Variants in ALMS1 observed in about 807,000 individuals in gnomAD.
ALMS1 encodes the protein ALMS1 centrosome and basal body associated protein, also known as centrosome-associated protein ALMS1.
ALMS1 carries 271 observed loss-of-function variants against 352.2 expected under a neutral mutation model. The ratio of observed to expected loss-of-function variants is 0.77; its 90% CI spans 0.70 to 0.85. ALMS1 has a LOEUF of 0.85. Among genes scored for constraint, ALMS1 ranks in the 40% least tolerant of loss-of-function variants. The probability of loss-of-function intolerance (pLI) is 0.00; values close to 1 mark genes in which losing one functional copy is unlikely to be tolerated. For missense variants in ALMS1, 5,445 were observed against 4,870.7 expected (o/e 1.12, Z -3.51); for synonymous variants, 1,865 against 1,761.2 (o/e 1.06, Z -1.48).
chr2:73,406,880 C>A (rs558113510), intron 1 of ALMS1, among the ~76,000 whole-genome samples: 176 of 152,278 alleles, frequency 1.2e-3, no homozygotes, highest in Non-Finnish European at 1.7e-3. Flanking sequence ...ACTTGCCTTG[C>A]CTCCCAAAGT....
At chr2:73,582,971 T>C (rs1204947743) in intron 16 of ALMS1, among the ~76,000 whole-genome samples, 1 of 152,186 alleles carries the variant, frequency 6.6e-6, no homozygotes, top group Non-Finnish European at 1.5e-5. Context: ...TCCCTAGTGG[T>C]TGTGCCATTT....
rs749624694 is a variant in ALMS1 at position 73,572,993 on chromosome 2, T to A, written c.11116T>A (p.Ser3706Thr). 9 of 1,613,786 alleles carry A rather than the reference T, an allele frequency of 5.6e-6. No homozygotes were observed. Among genetic ancestry groups the A allele is most frequent in the Non-Finnish European group, 5.9e-6 (7 of 1,179,944 alleles). Reference sequence around the variant, plus strand: ...GCTTTCTCATCATCGAGCTGGGAGGTCTAATCAAATTAAAATTGAACAGAT... The same window carrying A: ...GCTTTCTCATCATCGAGCTGGGAGGACTAATCAAATTAAAATTGAACAGAT... ...KVLSHHRAGR[S>T]NQIKIEQIKF... Residue 3706 changes from serine (S) to threonine (T), a missense_variant, in exon 16 of 23, where the codon TCT becomes ACT. Coordinates refer to ENST00000613296, the MANE Select transcript of ALMS1 (RefSeq NM_001378454.1).
At chr2:73,537,643 A>T (rs1674059200) in intron 12 of ALMS1, among the ~76,000 whole-genome samples, 1 of 152,222 alleles carries the variant, frequency 6.6e-6, no homozygotes, top group African/African-American at 2.4e-5. Context: ...TATTAAAACA[A>T]CATAAAGCAA....
In ALMS1 at chr2:73,604,690, G is replaced by A. The variant is rs148695136; in HGVS notation, c.12362+1386G>A. Among the ~76,000 whole-genome samples the A allele has an allele frequency of 7.9e-4, 121 of 152,312 alleles. 2 individuals carry two copies. In the East Asian group the frequency reaches 0.021, roughly 27 times the overall value. ...GCTTTAGTCCAGTGGTTCTCAGAGA[G>A]TGGTCTGTGGAGTCCTGGAAGTTGC... On this transcript the variant is annotated intron_variant, in intron 21 of 22. Transcript: ENST00000613296.
At chr2:73,469,149 T>G (rs1036750974) in intron 9 of ALMS1, among the ~76,000 whole-genome samples, 7 of 151,950 alleles carry the variant, frequency 4.6e-5, no homozygotes, top group African/African-American at 1.7e-4. Context: ...GTCAGTACTT[T>G]ATATCATTTA....
rs771906516 is a variant in ALMS1, at chr2:73,419,218, T to C, written c.546T>C (p.Thr182=). 8 of 1,613,908 alleles carry C rather than the reference T, an allele frequency of 5.0e-6. No homozygotes were observed. The highest frequency in any genetic ancestry group is 6.8e-6 in the Non-Finnish European group (8 of 1,179,922). The change falls in exon 3 of 23, where the codon ACT becomes ACC. Residue 182 remains threonine, a synonymous_variant. Coordinates refer to ENST00000613296, the MANE Select transcript of ALMS1 (RefSeq NM_001378454.1). The part of the protein sequence containing the change: ...QTRFNVRTED[T]EVTDFPSLEE... ...GGTTTAATGTGAGAACGGAAGATAC[T>C]GAAGTGACAGACTTCCCCTCTCTGG...
Position 73,607,007 on chromosome 2 carries a change from AT to A in ALMS1, c.12363-1460del, listed in dbSNP as rs546075058. On this transcript the variant is annotated intron_variant, in intron 21 of 22. Coordinates refer to ENST00000613296, the MANE Select transcript of ALMS1 (RefSeq NM_001378454.1). ...CGCAGAGCCCTCCATGAATCTAGTG[AT>A]TTTTTTTCCAGATTATAGAAAACTT... is the stretch of plus-strand genomic sequence containing the variant. Among the ~76,000 whole-genome samples, 223 of 152,146 alleles carry A rather than the reference AT, an allele frequency of 1.5e-3. 1 individual carries two copies. The highest frequency in any genetic ancestry group is 4.6e-3 in the African/African-American group (192 of 41,512).
chr2:73,573,251 C>G lies in ALMS1; in HGVS notation c.11374C>G (p.Gln3792Glu), dbSNP rs763850684. 3 of 1,613,780 alleles carry G rather than the reference C, an allele frequency of 1.9e-6. No homozygotes were observed. Among genetic ancestry groups the G allele is most frequent in the East Asian group, 2.2e-5 (1 of 44,876 alleles). ...CACTATTGACACTGCCCGGCTGATTCAAGCTTTTGGCCATGAAAGAGTATG... is the reference window on the plus strand; with the variant it reads ...CACTATTGACACTGCCCGGCTGATTGAAGCTTTTGGCCATGAAAGAGTATG... ...VSTIDTARLI[Q>E]AFGHERVCLS... Residue 3792 changes from glutamine (Q) to glutamate (E), a missense_variant, in exon 16 of 23, where the codon CAA becomes GAA. By Grantham distance (29) the Gln-to-Glu change is conservative. Transcript: ENST00000613296.
chr2:73,607,247 G>A (rs1392273494), intron 21 of ALMS1, among the ~76,000 whole-genome samples: 2 of 152,038 alleles, frequency 1.3e-5, no homozygotes, highest in Non-Finnish European at 2.9e-5. Context: ...CCTTTCCTAT[G>A]ACACTAAAAA....
At chr2:73,566,460 G>A (rs1674802998) in intron 15 of ALMS1, among the ~76,000 whole-genome samples, 1 of 152,178 alleles carries the variant, frequency 6.6e-6, no homozygotes, top group African/African-American at 2.4e-5. Flanking sequence ...TCCTAGGGTG[G>A]GATGGAGCAG....
intron 9 of ALMS1, among the ~76,000 whole-genome samples, chr2:73,461,301 C>A (rs1259247951): frequency 6.6e-6 from 1 of 152,236 alleles, no homozygotes; most frequent in Non-Finnish European, 1.5e-5. Context: ...GTTCTACAGT[C>A]ACTGCTGTTG....
intron 9 of ALMS1, among the ~76,000 whole-genome samples, chr2:73,480,803 G>C (rs1672684500): frequency 6.6e-6 from 1 of 151,458 alleles, no homozygotes; most frequent in Admixed American, 6.6e-5. Context: ...TTGTGGTTTT[G>C]ATTTGCATTT....
At chr2:73,477,092 T>G (rs1672599744) in intron 9 of ALMS1, among the ~76,000 whole-genome samples, 1 of 152,162 alleles carries the variant, frequency 6.6e-6, no homozygotes, top group Non-Finnish European at 1.5e-5. Context: ...ATGGTGTCCT[T>G]TGGTGAACAG....
At chr2:73,466,052 C>G (rs531023337) in intron 9 of ALMS1, among the ~76,000 whole-genome samples, 144 of 152,250 alleles carry the variant, frequency 9.5e-4, no homozygotes, top group African/African-American at 3.4e-3. Context: ...TAAACTAGTT[C>G]AACCACTGTG....
chr2:73,403,380 T>C (rs1424482999), intron 1 of ALMS1, among the ~76,000 whole-genome samples: 1 of 152,184 alleles, frequency 6.6e-6, no homozygotes, highest in Admixed American at 6.5e-5. Context: ...TTCTGTTCCA[T>C]TGGTTTACAT....
chr2:73,503,953 C>G (rs1354270019), intron 10 of ALMS1, among the ~76,000 whole-genome samples: 1 of 152,112 alleles, frequency 6.6e-6, no homozygotes, highest in Non-Finnish European at 1.5e-5. Flanking sequence ...ATGTAAACAT[C>G]TTATTCATCA....
chr2:73,541,648 A>G (rs554538531), intron 12 of ALMS1, among the ~76,000 whole-genome samples: 7 of 152,344 alleles, frequency 4.6e-5, no homozygotes, highest in Admixed American at 2.0e-4. Flanking sequence ...AAAAGAGAGA[A>G]GAATCAAATA....
intron 16 of ALMS1, among the ~76,000 whole-genome samples, chr2:73,586,552 G>A (rs1338966254): frequency 6.6e-6 from 1 of 152,056 alleles, no homozygotes; most frequent in Admixed American, 6.5e-5. Context: ...AGATCAGTTG[G>A]CTGTAAGTAT....
chr2:73,464,089 A>G lies in ALMS1; in HGVS notation c.7674+8794A>G, dbSNP rs566515920. On this transcript the variant is annotated intron_variant, in intron 9 of 22. Coordinates refer to ENST00000613296, the MANE Select transcript of ALMS1 (RefSeq NM_001378454.1). ...AAAAAGAGGGAATCCTCCCTAACTC[A>G]TTTTATGAGGCCAGCATCATTCTGA... 5.8e-3 allele frequency among the ~76,000 whole-genome samples: 879 copies of G among 152,304 alleles called. 11 individuals carry two copies. The highest frequency in any genetic ancestry group is 0.019 in the African/African-American group (790 of 41,552).
Sources: gnomAD v4.1 joint callset for allele counts (sites outside exome capture counted in the v4.1 genomes callset) on GRCh38, gnomAD v4.1.1 for gene constraint, MANE v1.5 for transcripts, NCBI Gene and HGNC (gene_info 2026-07-23, HGNC 2026-07-21) for gene names.